DGCR2: variants seen among roughly 807,000 people sequenced by gnomAD.
The protein encoded by DGCR2 is DiGeorge syndrome critical region gene 2, also known as integral membrane protein DGCR2/IDD.
DGCR2 carries 24 observed loss-of-function variants against 51.6 expected under a neutral mutation model. The observed-to-expected ratio is 0.47, with a 90% CI of 0.34 to 0.65. The LOEUF is 0.65. DGCR2 is among the 30% of genes least tolerant of loss of function. The pLI is 0.01. For synonymous variants in DGCR2, 340 were observed against 315.4 expected (o/e 1.08, Z -0.82); for missense variants, 765 against 772.1 (o/e 0.99, Z 0.11).
At chr22:19,108,291 C>T (rs529680788) in intron 1 of DGCR2, among the ~76,000 whole-genome samples, 1 of 152,290 alleles carries the variant, frequency 6.6e-6, no homozygotes, top group Middle Eastern at 3.4e-3. Flanking sequence ...ACAGACCACA[C>T]TGAGCACAGT....
chr22:19,041,074 C>T lies in DGCR2; in HGVS notation c.1380G>A (p.Val460=). ...GTCAGGCACCTGCAGGGTCATAGAA[C>T]ACACTGTCCGGGTGGATGGAGGCCT... ...PYEASIHPDS[V]FYDPADDDAF... Residue 460 remains valine, a synonymous_variant, in exon 9 of 10, where the codon GTG becomes GTA. Transcript: ENST00000263196. 1 of 1,605,448 alleles carries T rather than the reference C, an allele frequency of 6.2e-7. No individual in the cohort carries two copies. Among genetic ancestry groups the T allele is most frequent in the Non-Finnish European group, 8.5e-7 (1 of 1,174,576 alleles).
intron 5 of DGCR2, among the ~76,000 whole-genome samples, chr22:19,060,178 T>C (rs996948421): frequency 1.3e-5 from 2 of 152,210 alleles, no homozygotes; most frequent in Non-Finnish European, 2.9e-5. Flanking sequence ...CACCTTCCAG[T>C]GGCTGCTAGG....
rs764009486 is a variant in DGCR2, at chr22:19,068,177, G to A, written c.251C>T (p.Pro84Leu). Residue 84 changes from proline (P) to leucine (L), a missense_variant, in exon 3 of 10, where the codon CCG (proline) becomes CTG (leucine). Transcript: ENST00000263196. ...RPHHGKEAVD[P>L]RQGRARGGDP... ...GCCTCCTCTGGCCCGCCCCTGCCGC[G>A]GATCCACAGCCTCCTTCCCATGATG... is the stretch of plus-strand genomic sequence containing the variant. The A allele has an allele frequency of 2.2e-5, 36 of 1,611,110 alleles. No homozygotes were observed. Among genetic ancestry groups the A allele is most frequent in the Admixed American group, 1.3e-4 (8 of 59,456 alleles).
intron 2 of DGCR2, among the ~76,000 whole-genome samples, chr22:19,084,835 G>A (rs552850010): frequency 3.0e-4 from 45 of 148,990 alleles, no homozygotes; most frequent in Admixed American, 1.1e-3. Context: ...CCGGCCAGCC[G>A]CCCCGTCCGG....
intron 6 of DGCR2, among the ~76,000 whole-genome samples, chr22:19,052,092 G>C (rs568388563): frequency 1.3e-5 from 2 of 152,326 alleles, no homozygotes; most frequent in East Asian, 3.9e-4. Context: ...TCAAGCAACT[G>C]TAATCCTGGG....
At position 19,041,302 on chromosome 22, in the gene DGCR2, A is replaced by G. The variant is rs2146301615; in HGVS notation, c.1160-8T>C. The G allele has an allele frequency of 2.5e-6, 4 of 1,612,944 alleles. No homozygotes were observed. In the South Asian group the frequency reaches 3.3e-5, roughly 13 times the overall value. ...CGAGGTTGAAGTGGTGCACTGGGCC[A>G]TCAAAAGTGTGCAACGGGAACAGAG... On this transcript the variant is annotated splice_region_variant and splice_polypyrimidine_tract_variant and intron_variant, in intron 8 of 9. Coordinates refer to ENST00000263196, the MANE Select transcript of DGCR2 (RefSeq NM_005137.3).
intron 2 of DGCR2, among the ~76,000 whole-genome samples, chr22:19,086,321 CA>C (rs1203038504): frequency 2.0e-5 from 3 of 151,400 alleles, no homozygotes; most frequent in African/African-American, 4.8e-5. Flanking sequence ...ACTAAAAATA[CA>C]AAAAAAATTA....
intron 5 of DGCR2, among the ~76,000 whole-genome samples, chr22:19,059,045 C>A (rs1369079648): frequency 6.6e-6 from 1 of 152,224 alleles, no homozygotes; most frequent in African/African-American, 2.4e-5. Context: ...TTTGGAGCAT[C>A]CCTGGAAGAG....
At chr22:19,058,305 C>T (rs532672568) in intron 5 of DGCR2, among the ~76,000 whole-genome samples, 36 of 152,288 alleles carry the variant, frequency 2.4e-4, no homozygotes, top group Admixed American at 2.4e-3. Context: ...AGCTGTGCCC[C>T]CTTCCCAGGG....
At position 19,122,234 on chromosome 22, in the gene DGCR2, G is replaced by GTGACCCC. The variant is rs1555912438; in HGVS notation, c.-29_-28insGGGGTCA. The GTGACCCC allele has an allele frequency of 2.6e-6, 3 of 1,172,968 alleles. No homozygotes were observed. The highest frequency in any genetic ancestry group is 1.7e-5 in the South Asian group (1 of 57,902). 72.7% of individuals were successfully genotyped at this position (1,172,968 alleles called of 1,614,324 possible). On this transcript the variant is annotated 5_prime_UTR_variant, in exon 1 of 10. Transcript: ENST00000263196. ...ATCCTCCGTTCATCGTCCCCGGGGCGGCTGGAAGGCCGGACCAGGCCGGAC... is the reference window on the plus strand; with the variant it reads ...ATCCTCCGTTCATCGTCCCCGGGGCGTGACCCCGCTGGAAGGCCGGACCAGGCCGGAC...
chr22:19,069,327 T>C (rs1403999071), intron 2 of DGCR2, among the ~76,000 whole-genome samples: 1 of 152,206 alleles, frequency 6.6e-6, no homozygotes, highest in South Asian at 2.1e-4. Context: ...CTCCAGCAGG[T>C]TGGTTCTGCT....
chr22:19,064,227 G>T (rs896608335), intron 4 of DGCR2, among the ~76,000 whole-genome samples: 8 of 152,268 alleles, frequency 5.3e-5, no homozygotes, highest in African/African-American at 2.4e-5. Context: ...CCTCAGAGAT[G>T]GGGCTGCCCT....
rs1311673020 is a variant in DGCR2, at chr22:19,048,516, G to C, written c.930C>G (p.Leu310=). The C allele has an allele frequency of 6.2e-7, 1 of 1,614,216 alleles. No homozygotes were observed. Among genetic ancestry groups the C allele is most frequent in the South Asian group, 1.1e-5 (1 of 91,084 alleles). The change falls in exon 7 of 10, where the codon CTC becomes CTG. Residue 310 remains leucine, a synonymous_variant. Coordinates refer to ENST00000263196, the MANE Select transcript of DGCR2 (RefSeq NM_005137.3). ...GTTGGCAGCCCTGGGGCCTCTCACAGAGAGCAGCCACACACATCTCAGGCT... is the reference window on the plus strand; with the variant it reads ...GTTGGCAGCCCTGGGGCCTCTCACACAGAGCAGCCACACACATCTCAGGCT... The part of the protein sequence containing the change: ...GGEPEMCVAA[L]CERPQGCQQY...
At chr22:19,066,911 TC>T (rs2082756250) in intron 3 of DGCR2, among the ~76,000 whole-genome samples, 1 of 152,234 alleles carries the variant, frequency 6.6e-6, no homozygotes, top group Non-Finnish European at 1.5e-5. Flanking sequence ...ACAGGTGGCC[TC>T]TCAGCCTCAG....
intron 3 of DGCR2, 84 bp downstream of exon 3, chr22:19,068,016 C>A: frequency 1.4e-6 from 2 of 1,436,710 alleles, no homozygotes; most frequent in Non-Finnish European, 1.8e-6. Flanking sequence ...AAACCCCTCA[C>A]GCAGCACAGT....
At chr22:19,083,947 C>G (rs2082974471) in intron 2 of DGCR2, among the ~76,000 whole-genome samples, 1 of 152,186 alleles carries the variant, frequency 6.6e-6, no homozygotes, top group Non-Finnish European at 1.5e-5. Context: ...GTCTCCAGCT[C>G]CTAACCTTGA....
intron 2 of DGCR2, among the ~76,000 whole-genome samples, chr22:19,078,131 T>C (rs184396709): frequency 6.3e-4 from 96 of 152,332 alleles, no homozygotes; most frequent in African/African-American, 2.2e-3. Context: ...ACCCAGTGTC[T>C]TCTTTAATTT....
chr22:19,083,691 TC>T (rs1209831465), intron 2 of DGCR2, among the ~76,000 whole-genome samples: 8 of 74,862 alleles, frequency 1.1e-4, no homozygotes, highest in African/African-American at 3.7e-4. Context: ...CCTCTCCCTC[TC>T]CCCCCTCCCC....
At chr22:19,119,534 C>G (rs2083408796) in intron 1 of DGCR2, among the ~76,000 whole-genome samples, 1 of 152,020 alleles carries the variant, frequency 6.6e-6, no homozygotes, top group Non-Finnish European at 1.5e-5. Flanking sequence ...TCAGGAGTTC[C>G]AGACCAGCCC....
Sources: allele counts gnomAD v4.1 joint callset (sites outside exome capture counted in the v4.1 genomes callset), GRCh38; gene constraint gnomAD v4.1.1; transcripts MANE v1.5; gene names NCBI Gene and HGNC (gene_info 2026-07-23, HGNC 2026-07-21).